Variants in TENM2 observed in about 807,000 individuals in gnomAD.
TENM2 encodes the protein teneurin-2.
TENM2 carries 52 observed loss-of-function variants against 245.2 expected under a neutral mutation model. That is an observed-to-expected ratio of 0.21 (90% confidence interval 0.17 to 0.27). The LOEUF (loss-of-function observed/expected upper bound fraction) is 0.27. Among genes scored for constraint, TENM2 ranks in the 10% least tolerant of loss-of-function variants. The probability of loss-of-function intolerance (pLI) is 1.00; values close to 1 mark genes in which losing one functional copy is unlikely to be tolerated. For missense variants in TENM2, 3,046 were observed against 3,666.8 expected, an observed-to-expected ratio of 0.83 and a Z score of 4.37; for synonymous variants, 1,363 against 1,438.9, an observed-to-expected ratio of 0.95 and a Z score of 1.19.
At chr5:167,759,715 TCTGG>T (rs1354359392) in intron 2 of TENM2, among the ~76,000 whole-genome samples, 12 of 152,166 alleles carry the variant, frequency 7.9e-5, no homozygotes, top group Admixed American at 7.9e-4. Flanking sequence ...GTGTCCAGTT[TCTGG>T]CTGGTTGACC....
chr5:167,460,781 G>A (rs1766248736), intron 2 of TENM2, among the ~76,000 whole-genome samples: 3 of 152,106 alleles, frequency 2.0e-5, no homozygotes, highest in Admixed American at 6.5e-5. Context: ...TTTCAGTTGG[G>A]TAAATGTCTA....
At chr5:167,441,159 T>C (rs1396243970) in intron 2 of TENM2, among the ~76,000 whole-genome samples, 1 of 152,166 alleles carries the variant, frequency 6.6e-6, no homozygotes, top group Non-Finnish European at 1.5e-5. Context: ...TTAATTGTCC[T>C]TTGGGTTTCC....
At chr5:167,368,324 G>T (rs1282520595) in intron 1 of TENM2, among the ~76,000 whole-genome samples, 1 of 151,896 alleles carries the variant, frequency 6.6e-6, no homozygotes, top group Non-Finnish European at 1.5e-5. Flanking sequence ...ACAGTTTGGG[G>T]GTGGGGCATA....
intron 2 of TENM2, among the ~76,000 whole-genome samples, chr5:167,594,405 T>C (rs1018388820): frequency 6.6e-6 from 1 of 152,196 alleles, no homozygotes; most frequent in Admixed American, 6.5e-5. Flanking sequence ...CTAACCCACA[T>C]GGCAATGTAG....
intron 2 of TENM2, among the ~76,000 whole-genome samples, chr5:167,833,296 G>T (rs1425870270): frequency 6.6e-6 from 1 of 151,900 alleles, no homozygotes; most frequent in East Asian, 1.9e-4. Context: ...TTTACTTTAG[G>T]AGTCAGTTAC....
At chr5:168,063,014 G>A (rs958769970) in intron 7 of TENM2, among the ~76,000 whole-genome samples, 2 of 152,150 alleles carry the variant, frequency 1.3e-5, no homozygotes, top group African/African-American at 4.8e-5. Context: ...TATTCACAGT[G>A]TCGTATGAAT....
intron 2 of TENM2, among the ~76,000 whole-genome samples, chr5:167,816,007 TG>T (rs1767027838): frequency 6.6e-6 from 1 of 151,568 alleles, no homozygotes; most frequent in Admixed American, 6.6e-5. Context: ...TGTGTGTGTG[TG>T]TGTTTCTCCT....
At chr5:167,936,950 A>G (rs1778767012) in intron 3 of TENM2, among the ~76,000 whole-genome samples, 1 of 152,206 alleles carries the variant, frequency 6.6e-6, no homozygotes, top group Non-Finnish European at 1.5e-5. Context: ...AATGTATCCA[A>G]GTGGTTGTGT....
intron 9 of TENM2, 77 bp from the exon 12 acceptor site, chr5:168,118,215 C>T (rs1795220812): frequency 1.6e-6 from 2 of 1,257,352 alleles, no homozygotes; most frequent in Admixed American, 2.3e-5. Flanking sequence ...GGCCAGACAG[C>T]TCTACCTCCT....
intron 2 of TENM2, among the ~76,000 whole-genome samples, chr5:167,454,138 C>T (rs930908819): frequency 6.6e-6 from 1 of 152,072 alleles, no homozygotes; most frequent in Non-Finnish European, 1.5e-5. Flanking sequence ...ATATTAAAGG[C>T]ATGACAGAGG....
chr5:167,725,760 C>G (rs113902449), intron 2 of TENM2, among the ~76,000 whole-genome samples: 2 of 152,268 alleles, frequency 1.3e-5, no homozygotes, highest in South Asian at 4.1e-4. Context: ...GTTACCACTT[C>G]CTACAGGTCA....
intron 2 of TENM2, among the ~76,000 whole-genome samples, chr5:167,780,103 A>G (rs1189370328): frequency 6.6e-6 from 1 of 152,220 alleles, no homozygotes; most frequent in Non-Finnish European, 1.5e-5. Context: ...ACTTGGCATT[A>G]AGAAGCACTG....
At chr5:167,643,614 C>G (rs1182494584) in intron 2 of TENM2, among the ~76,000 whole-genome samples, 1 of 152,192 alleles carries the variant, frequency 6.6e-6, no homozygotes, top group Non-Finnish European at 1.5e-5. Context: ...GTTTTGTTCT[C>G]TGGATCACAC....
chr5:167,213,275 T>C, the TENM2 span, among the ~76,000 whole-genome samples: 8 of 152,226 alleles, frequency 5.3e-5, no homozygotes, highest in African/African-American at 1.9e-4. Flanking sequence ...ATGAATACCA[T>C]GGCCTAGGTG....
chr5:168,155,666 G>C (rs1182275092), intron 12 of TENM2, among the ~76,000 whole-genome samples: 1 of 152,112 alleles, frequency 6.6e-6, no homozygotes, highest in Non-Finnish European at 1.5e-5. Context: ...CTTGAAAAAG[G>C]ATGGGTTCTT....
chr5:167,931,551 GA>G (rs368486009), intron 3 of TENM2, among the ~76,000 whole-genome samples: 53,240 of 110,072 alleles, frequency 0.48, 10,654 homozygotes, highest in Admixed American at 0.56. Context: ...AAACCCATTG[GA>G]AAAAAAAAAA....
At chr5:167,535,212 C>T (rs1185591234) in intron 2 of TENM2, among the ~76,000 whole-genome samples, 1 of 151,884 alleles carries the variant, frequency 6.6e-6, no homozygotes, top group African/African-American at 2.4e-5. Flanking sequence ...TTATACGACA[C>T]TCTAGCCACA....
At chr5:167,596,720 C>T (rs1445175189) in intron 2 of TENM2, among the ~76,000 whole-genome samples, 1 of 150,514 alleles carries the variant, frequency 6.6e-6, no homozygotes, top group Non-Finnish European at 1.5e-5. Flanking sequence ...GCTGTGAACC[C>T]GGGAGGCGGA....
chr5:167,123,004 T>C, the TENM2 span, among the ~76,000 whole-genome samples: 1 of 152,062 alleles, frequency 6.6e-6, no homozygotes, highest in Non-Finnish European at 1.5e-5. Context: ...ATAGACAATA[T>C]TTCTCTTTTT....
Sources: allele counts gnomAD v4.1 joint callset (sites outside exome capture counted in the v4.1 genomes callset), GRCh38; gene constraint gnomAD v4.1.1; transcripts MANE v1.5; gene names NCBI Gene and HGNC (gene_info 2026-07-23, HGNC 2026-07-21).